MLLT10: variants seen among roughly 807,000 people sequenced by gnomAD.
MLLT10 encodes the protein MLLT10 histone lysine methyltransferase DOT1L cofactor.
In MLLT10, 30 loss-of-function variants were observed where a neutral mutation model predicts 129.1. The observed-to-expected ratio is 0.23, with a 90% CI of 0.17 to 0.32. The LOEUF (loss-of-function observed/expected upper bound fraction) is 0.32, where lower values mean the gene tolerates loss of function less well. Ranked by LOEUF, MLLT10 falls within the 10% of genes least tolerant of loss-of-function variation. MLLT10 has a pLI of 1.00. For synonymous variants in MLLT10, 490 were observed against 446.4 expected (o/e 1.10, Z -1.23); for missense variants, 1,119 against 1,268.3 (o/e 0.88, Z 1.79).
chr10:21,689,546 AATATATATATATATATATGTATATAT>A (rs1291230304), intron 13 of MLLT10, among the ~76,000 whole-genome samples: 7 of 108,334 alleles, frequency 6.5e-5, no homozygotes, highest in South Asian at 2.9e-4. Context: ...TGTGTAAAGT[AATATATATATATATATATGTATATAT>A]ATATATATAT....
chr10:21,586,366 T>C lies in MLLT10; in HGVS notation c.295+18T>C. 6.4e-7 allele frequency: 1 copy of C among 1,550,552 alleles called. No homozygotes were observed. Among genetic ancestry groups the C allele is most frequent in the Non-Finnish European group, 8.7e-7 (1 of 1,146,318 alleles). Reference sequence around the variant, plus strand: ...TAATGGGGGTAAGTGCAGAGATTTCTTGAAAAAAATTTTATTGAAAACTGG... The same window carrying C: ...TAATGGGGGTAAGTGCAGAGATTTCCTGAAAAAAATTTTATTGAAAACTGG... On this transcript the variant is annotated intron_variant, in intron 4 of 22. Transcript: ENST00000307729.
At chr10:21,535,804 T>G (rs751706675) in intron 2 of MLLT10, among the ~76,000 whole-genome samples, 1 of 152,206 alleles carries the variant, frequency 6.6e-6, no homozygotes, top group Non-Finnish European at 1.5e-5. Flanking sequence ...AGACGAAAAT[T>G]TGAACATCTG....
chr10:21,679,309 A>C (rs1167306064), intron 11 of MLLT10, among the ~76,000 whole-genome samples: 2 of 152,230 alleles, frequency 1.3e-5, no homozygotes, highest in East Asian at 3.8e-4. Flanking sequence ...GTTAGGCACG[A>C]GGTCTTTTGA....
intron 2 of MLLT10, among the ~76,000 whole-genome samples, chr10:21,535,391 G>A (rs576580176): frequency 6.6e-6 from 1 of 152,260 alleles, no homozygotes; most frequent in East Asian, 1.9e-4. Context: ...TGCCGCCGCC[G>A]CCCGGTAGCT....
At chr10:21,550,927 ATTT>A (rs200972062) in intron 3 of MLLT10, among the ~76,000 whole-genome samples, 2 of 100,874 alleles carry the variant, frequency 2.0e-5, no homozygotes, top group Non-Finnish European at 2.2e-5. Context: ...TTTATCTTTA[ATTT>A]TTTTTTTTTT....
chr10:21,545,779 A>T (rs1490405415), intron 3 of MLLT10, among the ~76,000 whole-genome samples: 2 of 152,150 alleles, frequency 1.3e-5, no homozygotes, highest in African/African-American at 4.8e-5. Context: ...GAATCCTCTC[A>T]CTTCAGTCTC....
At chr10:21,692,269 T>G (rs1272642687) in intron 13 of MLLT10, among the ~76,000 whole-genome samples, 1 of 151,968 alleles carries the variant, frequency 6.6e-6, no homozygotes, top group Non-Finnish European at 1.5e-5. Context: ...GAGATATTTA[T>G]CATAGCAAAA....
At chr10:21,636,359 G>T (rs2047456801) in intron 8 of MLLT10, among the ~76,000 whole-genome samples, 2 of 152,142 alleles carry the variant, frequency 1.3e-5, no homozygotes, top group African/African-American at 4.8e-5. Context: ...CTGGGCTCAA[G>T]CTATCCTTCT....
Position 21,732,918 on chromosome 10 carries a change from A to G in MLLT10, c.2238A>G (p.Ser746=). 6.2e-7 allele frequency: 1 copy of G among 1,613,940 alleles called. No homozygotes were observed. Among genetic ancestry groups the G allele is most frequent in the Non-Finnish European group, 8.5e-7 (1 of 1,179,912 alleles). Residue 746 remains serine (S), a synonymous_variant, in exon 18 of 23, where the codon TCA becomes TCG. Transcript: ENST00000307729. The stretch of plus-strand genomic sequence containing the variant: ...TGGTAGTTTTAGGAATGCTGAAGTC[A>G]TTACACCAACTTCAAGTTGAAAACC... ...TPSDILGMLK[S]LHQLQVENRR...
At chr10:21,625,111 C>T in intron 8 of MLLT10, 1 of 932,960 alleles carries the variant, frequency 1.1e-6, no homozygotes, top group Non-Finnish European at 1.7e-6. Flanking sequence ...TAGCCATATC[C>T]ACCTCTCCCC....
chr10:21,630,866 A>G (rs917637210), intron 8 of MLLT10, among the ~76,000 whole-genome samples: 17 of 152,332 alleles, frequency 1.1e-4, no homozygotes, highest in Admixed American at 7.8e-4. Flanking sequence ...AATGAAAGCC[A>G]TTGAAATTGA....
At chr10:21,639,456 C>A (rs1014807396) in intron 8 of MLLT10, among the ~76,000 whole-genome samples, 1 of 152,152 alleles carries the variant, frequency 6.6e-6, no homozygotes, top group African/African-American at 2.4e-5. Flanking sequence ...GAGTGGCTCA[C>A]AGAACTGAGG....
chr10:21,554,301 CTT>C (rs371164323), intron 3 of MLLT10, among the ~76,000 whole-genome samples: 2 of 152,310 alleles, frequency 1.3e-5, no homozygotes, highest in African/African-American at 4.8e-5. Context: ...TGATTCCTCA[CTT>C]TCTCTTCCAA....
intron 3 of MLLT10, among the ~76,000 whole-genome samples, chr10:21,560,999 C>T (rs552247256): frequency 7.2e-5 from 11 of 152,220 alleles, no homozygotes; most frequent in African/African-American, 2.2e-4. Context: ...GATTCCAGAC[C>T]GTTCTTAGAT....
intron 3 of MLLT10, among the ~76,000 whole-genome samples, chr10:21,580,416 T>C (rs1026426809): frequency 6.8e-6 from 1 of 146,840 alleles, no homozygotes; most frequent in African/African-American, 2.5e-5. Flanking sequence ...CGAGATGGAG[T>C]CTTGCTCTGT....
In MLLT10 at chr10:21,742,601, T is replaced by C. The variant is rs1833816223; in HGVS notation, c.*618T>C. 1 of 220,404 alleles carries C rather than the reference T, an allele frequency of 4.5e-6. No homozygotes were observed. Among genetic ancestry groups the C allele is most frequent in the African/African-American group, 2.2e-5 (1 of 44,728 alleles). 13.7% of individuals were successfully genotyped at this position (220,404 alleles called of 1,614,324 possible). On this transcript the variant is annotated 3_prime_UTR_variant, in exon 23 of 23. Transcript: ENST00000307729. ...TTAGGATGGTAATGTCTGCATCTGC[T>C]AAAGGTAATTTTCTTTTGAGAATTG... is the stretch of plus-strand genomic sequence containing the variant.
intron 8 of MLLT10, among the ~76,000 whole-genome samples, chr10:21,634,135 G>C (rs1359872226): frequency 6.6e-6 from 1 of 152,142 alleles, no homozygotes; most frequent in Non-Finnish European, 1.5e-5. Context: ...AGCTACTTGG[G>C]AGGTTCAGGC....
intron 3 of MLLT10, among the ~76,000 whole-genome samples, chr10:21,567,188 T>G (rs2039682913): frequency 6.6e-6 from 1 of 152,234 alleles, no homozygotes; most frequent in African/African-American, 2.4e-5. Context: ...GACTATGCAC[T>G]TACTTAAACA....
chr10:21,646,929 C>T (rs1463290411), intron 8 of MLLT10, among the ~76,000 whole-genome samples: 2 of 150,942 alleles, frequency 1.3e-5, no homozygotes, highest in Non-Finnish European at 2.9e-5. Flanking sequence ...GATCTGGGCT[C>T]ACTGCAAGCT....
Sources: allele counts gnomAD v4.1 joint callset (sites outside exome capture counted in the v4.1 genomes callset), GRCh38; gene constraint gnomAD v4.1.1; transcripts MANE v1.5; gene names NCBI Gene and HGNC (gene_info 2026-07-23, HGNC 2026-07-21).